Variants in FOXP1 observed in about 807,000 individuals in gnomAD.
FOXP1 encodes the protein forkhead box protein P1.
A neutral mutation model predicts 98.2 loss-of-function variants in FOXP1; 15 were observed. That is an observed-to-expected ratio of 0.15 (90% CI 0.10 to 0.24). The LOEUF (loss-of-function observed/expected upper bound fraction) is 0.24. Ranked by LOEUF, FOXP1 falls within the 10% of genes least tolerant of loss-of-function variation. The pLI is 1.00. For synonymous variants in FOXP1, 371 were observed against 314.5 expected (o/e 1.18, Z -1.90); for missense variants, 633 against 848.5 (o/e 0.75, Z 3.15).
chr3:71,531,025 A>G (rs1384760566), intron 2 of FOXP1, among the ~76,000 whole-genome samples: 1 of 134,136 alleles, frequency 7.5e-6, no homozygotes, highest in Non-Finnish European at 1.8e-5. Context: ...CCATCTAAAT[A>G]GCACAGCTAT....
At chr3:71,458,834 C>T (rs987558489) in intron 3 of FOXP1, among the ~76,000 whole-genome samples, 6 of 152,088 alleles carry the variant, frequency 3.9e-5, no homozygotes, top group South Asian at 2.1e-4. Flanking sequence ...ATTTGGGCAC[C>T]GTAGGTTTAT....
intron 2 of FOXP1, among the ~76,000 whole-genome samples, chr3:71,535,514 G>A (rs1245255113): frequency 6.6e-6 from 1 of 152,104 alleles, no homozygotes; most frequent in Non-Finnish European, 1.5e-5. Flanking sequence ...AGACCAGCCT[G>A]AGCAATATGA....
intron 5 of FOXP1, among the ~76,000 whole-genome samples, chr3:71,267,116 T>TGG (rs1218545430): frequency 1.1e-5 from 1 of 91,110 alleles, no homozygotes; most frequent in Non-Finnish European, 2.0e-5. Context: ...CTGCATTTTA[T>TGG]GGGAGAGAGT....
intron 14 of FOXP1, among the ~76,000 whole-genome samples, chr3:70,979,611 G>C (rs1471980260): frequency 2.0e-5 from 3 of 152,036 alleles, no homozygotes; most frequent in African/African-American, 7.2e-5. Flanking sequence ...ACCATAGTAA[G>C]TCTATTTCAC....
intron 6 of FOXP1, chr3:71,130,424 T>C: frequency 6.9e-7 from 1 of 1,456,990 alleles, no homozygotes; most frequent in Non-Finnish European, 9.4e-7. Flanking sequence ...TCAGAGAATG[T>C]CTGCACAAGA....
chr3:71,350,291 C>T (rs1299540392), intron 4 of FOXP1, among the ~76,000 whole-genome samples: 1 of 152,164 alleles, frequency 6.6e-6, no homozygotes, highest in Non-Finnish European at 1.5e-5. Context: ...AAAAGACCGT[C>T]TTTCCCTTGG....
At chr3:71,085,735 C>CTTTTTTTTTTTCTTTTTTTTTTTTTTT (rs71621917) in intron 7 of FOXP1, among the ~76,000 whole-genome samples, 1 of 37,038 alleles carries the variant, frequency 2.7e-5, no homozygotes, top group Admixed American at 5.7e-4. Flanking sequence ...CATTTATGGC[C>CTTTTTTTTTTTCTTTTTTTTTTTTTTT]TTTTTTTTTT....
chr3:71,268,688 T>C (rs2070004263), intron 5 of FOXP1, among the ~76,000 whole-genome samples: 1 of 152,184 alleles, frequency 6.6e-6, no homozygotes, highest in African/African-American at 2.4e-5. Flanking sequence ...TTCTGTCCCT[T>C]GTGACATTCT....
intron 2 of FOXP1, among the ~76,000 whole-genome samples, chr3:71,542,776 TC>T (rs1228911014): frequency 1.3e-5 from 2 of 152,152 alleles, no homozygotes; most frequent in African/African-American, 4.8e-5. Flanking sequence ...CACTCCTCCC[TC>T]CGCAGCCAGC....
chr3:71,491,759 T>TATGA (rs2091077147), intron 3 of FOXP1, among the ~76,000 whole-genome samples: 1 of 152,210 alleles, frequency 6.6e-6, no homozygotes, highest in Admixed American at 6.5e-5. Context: ...GTTGCTTCAC[T>TATGA]ATGAACACAG....
chr3:71,314,315 G>A (rs901813246), intron 4 of FOXP1, among the ~76,000 whole-genome samples: 2 of 152,066 alleles, frequency 1.3e-5, no homozygotes, highest in African/African-American at 4.8e-5. Context: ...CGGATCTCAA[G>A]GTCAGGAGAT....
intron 4 of FOXP1, among the ~76,000 whole-genome samples, chr3:71,311,068 C>A (rs1453542301): frequency 6.6e-6 from 1 of 151,982 alleles, no homozygotes; most frequent in East Asian, 1.9e-4. Context: ...CCCCCTCCCA[C>A]TTTTTTTTGT....
At position 71,396,927 on chromosome 3, in the gene FOXP1, T is replaced by C. The variant is rs545095291; in HGVS notation, c.-167-37683A>G. The stretch of plus-strand genomic sequence containing the variant: ...GAACATATATATGTGTGTATATATA[T>C]ATATATACACATATATATATGTGTA... On this transcript the variant is annotated intron_variant, in intron 3 of 20. Transcript: ENST00000649528. 3.6e-4 allele frequency among the ~76,000 whole-genome samples: 40 copies of C among 109,700 alleles called. 2 individuals carry two copies. The South Asian group carries it at 5.3e-3, about 15-fold the overall frequency. 72.0% of individuals were successfully genotyped at this position (109,700 alleles called of 152,430 possible).
chr3:71,348,683 G>T (rs1209736676), intron 4 of FOXP1, among the ~76,000 whole-genome samples: 3 of 151,996 alleles, frequency 2.0e-5, no homozygotes, highest in Non-Finnish European at 2.9e-5. Flanking sequence ...GGAGTAAAGG[G>T]GGAGGTGCTA....
intron 4 of FOXP1, among the ~76,000 whole-genome samples, chr3:71,337,527 A>G (rs771281214): frequency 8.5e-5 from 13 of 152,244 alleles, no homozygotes; most frequent in Non-Finnish European, 1.8e-4. Flanking sequence ...TTGAAAGTGC[A>G]GGCCCCCAAA....
At chr3:71,388,066 T>C (rs1560411248) in intron 3 of FOXP1, among the ~76,000 whole-genome samples, 1 of 152,232 alleles carries the variant, frequency 6.6e-6, no homozygotes. Flanking sequence ...ATATAGCCAA[T>C]GCAGCCAGTG....
intron 4 of FOXP1, among the ~76,000 whole-genome samples, chr3:71,338,346 A>G (rs1441947925): frequency 6.6e-6 from 1 of 152,244 alleles, no homozygotes; most frequent in Non-Finnish European, 1.5e-5. Context: ...GATAATTATG[A>G]GGGACGGATT....
At chr3:71,419,155 A>G (rs1420194242) in intron 3 of FOXP1, among the ~76,000 whole-genome samples, 2 of 141,202 alleles carry the variant, frequency 1.4e-5, no homozygotes, top group Non-Finnish European at 3.0e-5. Flanking sequence ...GAATCACTTT[A>G]AACTGGGAGG....
chr3:71,125,554 G>C (rs554059649), intron 6 of FOXP1, among the ~76,000 whole-genome samples: 1 of 152,288 alleles, frequency 6.6e-6, no homozygotes, highest in African/African-American at 2.4e-5. Flanking sequence ...GTTTGGTTGA[G>C]GAATTAGTAA....
Sources: gnomAD v4.1 joint callset for allele counts (sites outside exome capture counted in the v4.1 genomes callset) on GRCh38, gnomAD v4.1.1 for gene constraint, MANE v1.5 for transcripts, NCBI Gene and HGNC (gene_info 2026-07-23, HGNC 2026-07-21) for gene names.